CFI: variants seen among roughly 807,000 people sequenced by gnomAD.
CFI encodes C3B/C4B inactivator.
In CFI, 66 loss-of-function variants were observed where a neutral mutation model predicts 78.8. The ratio of observed to expected loss-of-function variants is 0.84; its 90% CI spans 0.69 to 1.03. The LOEUF is 1.03. Ranked by LOEUF, CFI falls within the 50% of genes least tolerant of loss-of-function variation. The probability of loss-of-function intolerance (pLI) is 0.00; values close to 1 mark genes in which losing one functional copy is unlikely to be tolerated. For missense variants in CFI, 706 were observed against 704.5 expected (o/e 1.00, Z -0.02); for synonymous variants, 250 against 232.6 (o/e 1.07, Z -0.68).
intron 1 of CFI, among the ~76,000 whole-genome samples, chr4:109,794,923 C>T (rs1166938350): frequency 6.6e-6 from 1 of 152,036 alleles, no homozygotes; most frequent in African/African-American, 2.4e-5. Flanking sequence ...ACAAAATGTC[C>T]CAGCACTTGT....
At chr4:109,777,006 C>T (rs1729336854) in intron 1 of CFI, among the ~76,000 whole-genome samples, 1 of 152,174 alleles carries the variant, frequency 6.6e-6, no homozygotes, top group Admixed American at 6.5e-5. Context: ...CAGTACCAGC[C>T]ACTGCAAAAA....
intron 1 of CFI, among the ~76,000 whole-genome samples, chr4:109,794,882 T>G (rs1329540804): frequency 6.6e-6 from 1 of 152,156 alleles, no homozygotes; most frequent in African/African-American, 2.4e-5. Context: ...TTTAAGACAG[T>G]TGAAGCGTGT....
At chr4:109,800,281 A>T (rs1732600668) in intron 1 of CFI, among the ~76,000 whole-genome samples, 1 of 133,074 alleles carries the variant, frequency 7.5e-6, no homozygotes, top group Non-Finnish European at 1.6e-5. Flanking sequence ...CAGCACAATT[A>T]TGGTAGGTAA....
At chr4:109,782,030 A>G (rs1326957238) in intron 1 of CFI, among the ~76,000 whole-genome samples, 2 of 152,148 alleles carry the variant, frequency 1.3e-5, no homozygotes, top group African/African-American at 2.4e-5. Flanking sequence ...AAAGCTATCT[A>G]TGACAAACCC....
chr4:109,732,252 A>C, the CFI span, among the ~76,000 whole-genome samples: 2 of 152,178 alleles, frequency 1.3e-5, no homozygotes, highest in African/African-American at 2.4e-5. Flanking sequence ...TTAGGGATTA[A>C]ATTCTCAAAT....
intron 1 of CFI, among the ~76,000 whole-genome samples, chr4:109,799,534 T>C (rs1053266299): frequency 2.0e-5 from 3 of 152,112 alleles, no homozygotes; most frequent in African/African-American, 7.2e-5. Context: ...TACTTTCCCA[T>C]GGAAGATTAA....
At chr4:109,733,716 G>A in the CFI span, among the ~76,000 whole-genome samples, 1 of 152,238 alleles carries the variant, frequency 6.6e-6, no homozygotes, top group African/African-American at 2.4e-5. Context: ...AGTTCTAACT[G>A]TCAGAAATGG....
At chr4:109,781,265 A>G (rs1350257849) in intron 1 of CFI, among the ~76,000 whole-genome samples, 2 of 152,148 alleles carry the variant, frequency 1.3e-5, no homozygotes, top group African/African-American at 4.8e-5. Flanking sequence ...GACCATTAGC[A>G]AGATTAACCA....
intron 1 of CFI, among the ~76,000 whole-genome samples, chr4:109,799,001 C>CA (rs1732418369): frequency 6.6e-6 from 1 of 152,048 alleles, no homozygotes; most frequent in South Asian, 2.1e-4. Context: ...AGGCCATTTG[C>CA]AACTCTACCT....
chr4:109,749,283 A>G lies in CFI; in HGVS notation c.1083T>C (p.Ser361=), dbSNP rs758474739. The change falls in exon 10 of 13, where the codon AGT becomes AGC. Residue 361 remains serine, a synonymous_variant. Transcript: ENST00000394634. ...LPWQVAIKDA[S]GITCGGIYIG... is the part of the protein sequence containing the mutation. Reference sequence around the variant, plus strand: ...TATAAATTCCCCCACAGGTGATTCCACTGGCATCCTTAATTGCCACCTGCC... The same window carrying G: ...TATAAATTCCCCCACAGGTGATTCCGCTGGCATCCTTAATTGCCACCTGCC... 6.2e-7 allele frequency: 1 copy of G among 1,614,208 alleles called. No individual in the cohort carries two copies. The highest frequency in any genetic ancestry group is 1.1e-5 in the South Asian group (1 of 91,080).
chr4:109,759,428 G>A (rs969271425), intron 6 of CFI, among the ~76,000 whole-genome samples: 7 of 152,044 alleles, frequency 4.6e-5, no homozygotes, highest in African/African-American at 9.7e-5. Flanking sequence ...AGATAGTTGA[G>A]AAAATTTGAA....
chr4:109,757,660 G>T, intron 7 of CFI, 103 bp downstream of exon 7: 1 of 721,356 alleles, frequency 1.4e-6, no homozygotes, highest in South Asian at 1.6e-5. Context: ...ACTAAAATGT[G>T]GTCATATCAT....
At chr4:109,756,196 A>G (rs1043067042) in intron 7 of CFI, among the ~76,000 whole-genome samples, 1 of 152,018 alleles carries the variant, frequency 6.6e-6, no homozygotes, top group Admixed American at 6.6e-5. Context: ...GGGATAAATG[A>G]GTCAAACAAG....
chr4:109,740,327 A>G (rs771027466), downstream of CFI, among the ~76,000 whole-genome samples: 2 of 151,798 alleles, frequency 1.3e-5, no homozygotes, highest in Non-Finnish European at 2.9e-5. Flanking sequence ...AAGAAAAGAG[A>G]AAAAGAAAGA....
At chr4:109,757,092 G>T (rs1255798043) in intron 7 of CFI, among the ~76,000 whole-genome samples, 1 of 151,802 alleles carries the variant, frequency 6.6e-6, no homozygotes, top group African/African-American at 2.4e-5. Flanking sequence ...GCAGTGACGC[G>T]GTCTCGGCTC....
At chr4:109,737,568 GA>G (rs376532724), downstream of CFI, among the ~76,000 whole-genome samples, 12 of 152,270 alleles carry the variant, frequency 7.9e-5, no homozygotes, top group East Asian at 1.9e-3. Flanking sequence ...CACATCCAAT[GA>G]GTTGTGTCCC....
At chr4:109,794,372 G>T (rs1446383226) in intron 1 of CFI, 1 of 152,084 alleles carries the variant, frequency 6.6e-6, no homozygotes, top group Non-Finnish European at 1.5e-5. Context: ...TAAATGGACT[G>T]ATCTTCAAGT....
At chr4:109,752,026 G>A (rs1247471301) in intron 8 of CFI, among the ~76,000 whole-genome samples, 1 of 152,094 alleles carries the variant, frequency 6.6e-6, no homozygotes, top group Admixed American at 6.5e-5. Flanking sequence ...GCGCACAACT[G>A]GCCAAGGTAC....
intron 3 of CFI, chr4:109,762,008 G>T: frequency 3.1e-6 from 1 of 319,708 alleles, no homozygotes; most frequent in South Asian, 3.0e-5. Context: ...TGGCCAATAT[G>T]GTGAAAATCC....
Sources: gnomAD v4.1 joint callset for allele counts (sites outside exome capture counted in the v4.1 genomes callset) on GRCh38, gnomAD v4.1.1 for gene constraint, MANE v1.5 for transcripts, NCBI Gene and HGNC (gene_info 2026-07-23, HGNC 2026-07-21) for gene names.